LITAF: variants seen among roughly 807,000 people sequenced by gnomAD.
The protein encoded by LITAF is lipopolysaccharide-induced tumor necrosis factor-alpha factor.
Under a neutral mutation model 14.5 loss-of-function variants are expected in LITAF, and 9 were observed. The ratio of observed to expected loss-of-function variants is 0.62; its 90% CI spans 0.37 to 1.08. LITAF has a LOEUF of 1.08. LITAF is among the 50% of genes least tolerant of loss of function. The probability of loss-of-function intolerance (pLI) is 0.01; values close to 1 mark genes in which losing one functional copy is unlikely to be tolerated. For synonymous variants in LITAF, 98 were observed against 88.2 expected, an observed-to-expected ratio of 1.11 and a Z score of -0.62; for missense variants, 206 against 213.4, an observed-to-expected ratio of 0.97 and a Z score of 0.22.
chr16:11,569,384 G>A (rs138381679), intron 1 of LITAF, among the ~76,000 whole-genome samples: 9 of 152,098 alleles, frequency 5.9e-5, no homozygotes, highest in African/African-American at 2.2e-4. Context: ...GGGATTACAG[G>A]CACATGCCAC....
At chr16:11,597,414 C>G (rs891961243) in intron 1 of LITAF, among the ~76,000 whole-genome samples, 2 of 152,116 alleles carry the variant, frequency 1.3e-5, no homozygotes, top group African/African-American at 2.4e-5. Context: ...GCCTAACAAA[C>G]AGTCACAGTC....
chr16:11,626,420 TG>T (rs1258424956), intron 3 of LITAF, among the ~76,000 whole-genome samples: 1 of 152,192 alleles, frequency 6.6e-6, no homozygotes, highest in African/African-American at 2.4e-5. Flanking sequence ...CTCAGCTCAC[TG>T]CAACCTCTGC....
chr16:11,610,695 G>T (rs183396320), intron 3 of LITAF, among the ~76,000 whole-genome samples: 1 of 152,286 alleles, frequency 6.6e-6, no homozygotes, highest in East Asian at 1.9e-4. Context: ...CAGGGTTGCT[G>T]TGTTGGGTTG....
upstream of LITAF, among the ~76,000 whole-genome samples, chr16:11,587,952 G>A (rs2064824572): frequency 6.6e-6 from 1 of 152,024 alleles, no homozygotes. Context: ...AGAACCCTCC[G>A]GTGCCCAAAT....
At chr16:11,638,118 A>C (rs866728626), upstream of LITAF, among the ~76,000 whole-genome samples, 392 of 91,398 alleles carry the variant, frequency 4.3e-3, 57 homozygotes, top group African/African-American at 0.012. Context: ...ATCTATCTAT[A>C]TAGATAGATA....
Position 11,634,671 on chromosome 16 carries a change from C to T in LITAF, c.-20-1034G>A, listed in dbSNP as rs1597378769. 1.3e-5 allele frequency among the ~76,000 whole-genome samples: 2 copies of T among 152,250 alleles called. No homozygotes were observed. Among genetic ancestry groups the T allele is most frequent in the African/African-American group, 2.4e-5 (1 of 41,542 alleles). ...CCCAACCAGTCAGCAGCACCCATTC[C>T]CTGGCCAGACGAACTATCCTTGAAA... is the stretch of plus-strand genomic sequence containing the variant. On this transcript the variant is annotated intron_variant, in intron 2 of 3. Coordinates refer to the LITAF transcript ENST00000574848. This position sits in a 1 kb window ranked among gnomAD's most constrained non-coding sequence, Gnocchi z 4.1.
intron 2 of LITAF, among the ~76,000 whole-genome samples, chr16:11,555,446 A>G (rs761981665): frequency 3.0e-4 from 45 of 152,132 alleles, no homozygotes; most frequent in Admixed American, 5.9e-4. Flanking sequence ...AGATCGTTTG[A>G]GCTCAGGAGT....
upstream of LITAF, among the ~76,000 whole-genome samples, chr16:11,588,328 C>T (rs192884289): frequency 6.6e-6 from 1 of 152,070 alleles, no homozygotes; most frequent in East Asian, 1.9e-4. Flanking sequence ...GACTCCATCT[C>T]TATAAAAATT....
intron 1 of LITAF, among the ~76,000 whole-genome samples, chr16:11,570,399 A>C (rs971007592): frequency 1.3e-5 from 2 of 151,906 alleles, no homozygotes; most frequent in Non-Finnish European, 2.9e-5. Flanking sequence ...CCAGGCACAG[A>C]CCTCATCCCG....
At chr16:11,564,741 C>T (rs1027827109) in intron 1 of LITAF, among the ~76,000 whole-genome samples, 1 of 152,104 alleles carries the variant, frequency 6.6e-6, no homozygotes, top group Non-Finnish European at 1.5e-5. Flanking sequence ...GCAGTTTTAT[C>T]ACTGATCATT....
chr16:11,585,835 C>A (rs2141840725), intron 1 of LITAF, among the ~76,000 whole-genome samples: 1 of 152,306 alleles, frequency 6.6e-6, no homozygotes, highest in African/African-American at 2.4e-5. Context: ...GTGGCTTCCA[C>A]AAACTGTAGA....
At chr16:11,601,628 G>T (rs4462613), upstream of LITAF, among the ~76,000 whole-genome samples, 1 of 152,072 alleles carries the variant, frequency 6.6e-6, no homozygotes, top group Non-Finnish European at 1.5e-5. Context: ...GGAGTGCGGT[G>T]GTGTGATCAC....
chr16:11,616,104 A>T (rs1185642577), intron 3 of LITAF, among the ~76,000 whole-genome samples: 2 of 152,204 alleles, frequency 1.3e-5, no homozygotes, highest in Non-Finnish European at 2.9e-5. Flanking sequence ...CCACGGGGAC[A>T]GTGGCCCTAC....
At chr16:11,637,416 G>C (rs1323121566), upstream of LITAF, among the ~76,000 whole-genome samples, 12 of 152,224 alleles carry the variant, frequency 7.9e-5, no homozygotes, top group Non-Finnish European at 1.6e-4. Flanking sequence ...GAACTACTCA[G>C]TCCTCTTTCT....
At chr16:11,620,489 G>A (rs1009896643) in intron 3 of LITAF, among the ~76,000 whole-genome samples, 4 of 152,060 alleles carry the variant, frequency 2.6e-5, no homozygotes, top group African/African-American at 9.7e-5. Context: ...CATACTTCCT[G>A]TACAGCCTGC....
intron 1 of LITAF, among the ~76,000 whole-genome samples, chr16:11,574,515 A>G (rs1041837401): frequency 6.6e-6 from 1 of 152,134 alleles, no homozygotes; most frequent in Non-Finnish European, 1.5e-5. Flanking sequence ...GTAATATTAC[A>G]TATTTACAAA....
chr16:11,575,552 A>C (rs568421575), intron 1 of LITAF: 10 of 152,230 alleles, frequency 6.6e-5, no homozygotes, highest in Non-Finnish European at 1.3e-4. Flanking sequence ...CAGCAGTCCA[A>C]GAACAACTTG....
chr16:11,579,464 TAAA>T (rs1184181606), intron 1 of LITAF, among the ~76,000 whole-genome samples: 1 of 4,100 alleles, frequency 2.4e-4, no homozygotes, highest in Non-Finnish European at 4.8e-4. Flanking sequence ...TCTCAAAAAA[TAAA>T]ATAAAATAAA....
chr16:11,555,202 T>C (rs2064249647), intron 2 of LITAF, among the ~76,000 whole-genome samples: 1 of 152,104 alleles, frequency 6.6e-6, no homozygotes, highest in African/African-American at 2.4e-5. Flanking sequence ...TCAGCTAATT[T>C]TATTTTCATA....
Sources: gnomAD v4.1 joint callset for allele counts (sites outside exome capture counted in the v4.1 genomes callset) on GRCh38, gnomAD v4.1.1 for gene constraint, Gnocchi (gnomAD v3.1) non-coding constraint, MANE v1.5 for transcripts, NCBI Gene and HGNC (gene_info 2026-07-23, HGNC 2026-07-21) for gene names.